Variants in SUGCT observed in about 807,000 individuals in gnomAD.
SUGCT encodes the protein succinyl-CoA:glutarate CoA-transferase.
In SUGCT, 41 loss-of-function variants were observed where a neutral mutation model predicts 55.0. The ratio of observed to expected loss-of-function variants is 0.74; its 90% CI spans 0.58 to 0.97. The LOEUF (loss-of-function observed/expected upper bound fraction) is 0.97, where lower values mean the gene tolerates loss of function less well. SUGCT is among the 50% of genes least tolerant of loss of function. The probability of loss-of-function intolerance (pLI) is 0.00; values close to 1 mark genes in which losing one functional copy is unlikely to be tolerated. For synonymous variants in SUGCT, 187 were observed against 200.4 expected (o/e 0.93, Z 0.56); for missense variants, 568 against 547.8 (o/e 1.04, Z -0.37).
intron 9 of SUGCT, among the ~76,000 whole-genome samples, chr7:40,365,752 T>G (rs961388653): frequency 1.3e-5 from 2 of 151,832 alleles, no homozygotes; most frequent in East Asian, 1.9e-4. Flanking sequence ...CACTGCTCAA[T>G]GAAATAAAAG....
intron 9 of SUGCT, among the ~76,000 whole-genome samples, chr7:40,391,835 G>A (rs977204251): frequency 7.2e-5 from 11 of 152,124 alleles, no homozygotes; most frequent in Non-Finnish European, 1.0e-4. Context: ...ACATGCACAC[G>A]TGTGTTTGTT....
chr7:40,851,735 T>C (rs532832227), intron 13 of SUGCT, among the ~76,000 whole-genome samples: 3 of 152,334 alleles, frequency 2.0e-5, no homozygotes, highest in Non-Finnish European at 4.4e-5. Context: ...TCCATAGATA[T>C]TTGTCTGTTG....
intron 6 of SUGCT, among the ~76,000 whole-genome samples, chr7:40,200,129 C>G (rs1431450084): frequency 1.3e-5 from 2 of 152,052 alleles, no homozygotes; most frequent in Non-Finnish European, 2.9e-5. Flanking sequence ...TTCAGAAATG[C>G]CCAAATAGCT....
chr7:40,868,349 T>C, the SUGCT span, among the ~76,000 whole-genome samples: 1 of 152,146 alleles, frequency 6.6e-6, no homozygotes, highest in African/African-American at 2.4e-5. Flanking sequence ...CTGGTGTGTG[T>C]TGTTCCCTTC....
At chr7:40,635,577 A>C (rs1023436086) in intron 12 of SUGCT, among the ~76,000 whole-genome samples, 4 of 152,240 alleles carry the variant, frequency 2.6e-5, no homozygotes, top group South Asian at 2.1e-4. Flanking sequence ...AAGAATCTCT[A>C]TATAAACACA....
the SUGCT span, among the ~76,000 whole-genome samples, chr7:40,892,857 G>A: frequency 6.6e-6 from 1 of 152,154 alleles, no homozygotes; most frequent in African/African-American, 2.4e-5. Flanking sequence ...ACTTTTAAAT[G>A]TAACTTGACA....
Position 40,834,895 on chromosome 7 carries a change from C to T in SUGCT, c.1154-25421C>T, listed in dbSNP as rs573587292. Among the ~76,000 whole-genome samples the T allele has an allele frequency of 5.9e-5, 9 of 152,306 alleles. No homozygotes were observed. The South Asian group carries it at 1.9e-3, about 32-fold the overall frequency. ...GATAGTATTCGGGGTCTTCTCCACC[C>T]TGCTCTTCTAGGAGGCTATGGATAT... is the stretch of plus-strand genomic sequence containing the variant. On this transcript the variant is annotated intron_variant, in intron 13 of 13. Transcript: ENST00000335693.
At chr7:40,405,351 T>G (rs953966228) in intron 9 of SUGCT, among the ~76,000 whole-genome samples, 12 of 152,142 alleles carry the variant, frequency 7.9e-5, no homozygotes, top group African/African-American at 2.9e-4. Flanking sequence ...TCCATTTGTA[T>G]AATGGGGATA....
In SUGCT at chr7:40,775,690, T is replaced by A. The variant is rs1266625916; in HGVS notation, c.1153+26193T>A. On this transcript the variant is annotated intron_variant, in intron 13 of 13. Transcript: ENST00000335693. ...AGCACAAACCCAAGATACTAAACTG[T>A]CTCTGGATTTAAGTGTAAGGTGAGT... is the stretch of plus-strand genomic sequence containing the variant. The A allele has an allele frequency of 2.6e-5, 4 of 152,304 alleles. No homozygotes were observed. The South Asian group carries it at 8.3e-4, about 32-fold the overall frequency. 9.4% of individuals were successfully genotyped at this position (152,304 alleles called of 1,614,324 possible).
At chr7:40,964,161 T>G in the SUGCT span, among the ~76,000 whole-genome samples, 50,629 of 152,124 alleles carry the variant, frequency 0.33, 9,145 homozygotes, top group Admixed American at 0.45. Flanking sequence ...TATCAATGAA[T>G]CATTCATAAA....
At chr7:40,216,382 CCTAG>C (rs1350260963) in intron 6 of SUGCT, among the ~76,000 whole-genome samples, 4 of 150,862 alleles carry the variant, frequency 2.7e-5, no homozygotes, top group South Asian at 4.2e-4. Context: ...TGCCTGTAAT[CCTAG>C]CTACTTGGGA....
chr7:40,217,648 C>G (rs1221520643), intron 6 of SUGCT: 2 of 198,404 alleles, frequency 1.0e-5, no homozygotes, highest in African/African-American at 4.8e-5. Context: ...CTCGGAATCT[C>G]TGAATGGCTG....
chr7:40,898,495 G>GGGC, the SUGCT span, among the ~76,000 whole-genome samples: 1 of 112,246 alleles, frequency 8.9e-6, no homozygotes, highest in Non-Finnish European at 2.1e-5. Flanking sequence ...GGGGGGGGGG[G>GGGC]GGTGGATCAC....
chr7:40,602,858 G>T (rs1335109160), intron 12 of SUGCT, among the ~76,000 whole-genome samples: 2 of 152,132 alleles, frequency 1.3e-5, no homozygotes, highest in Non-Finnish European at 2.9e-5. Flanking sequence ...GTAGTGGTAG[G>T]ATTTTCCAAC....
chr7:40,712,676 G>A (rs775176574), intron 12 of SUGCT, among the ~76,000 whole-genome samples: 15 of 152,294 alleles, frequency 9.8e-5, no homozygotes, highest in Middle Eastern at 3.4e-3. Context: ...AAGGGATGTC[G>A]AATCCAACAT....
the SUGCT span, among the ~76,000 whole-genome samples, chr7:40,868,991 A>C: frequency 6.6e-6 from 1 of 152,260 alleles, no homozygotes; most frequent in Non-Finnish European, 1.5e-5. Context: ...CCAATGTAAC[A>C]TTATGTAAAC....
the SUGCT span, among the ~76,000 whole-genome samples, chr7:41,003,146 ACTT>A: frequency 1.3e-5 from 2 of 152,138 alleles, no homozygotes; most frequent in African/African-American, 2.4e-5. Flanking sequence ...TCTTTTCTGT[ACTT>A]CTCCCACCAA....
At chr7:40,181,140 AT>A (rs1408781225) in intron 2 of SUGCT, 142 bp downstream of exon 2, 6 of 689,762 alleles carry the variant, frequency 8.7e-6, no homozygotes, top group Admixed American at 7.7e-5. Context: ...AATTGCTGTA[AT>A]ATCATCATTC....
intron 3 of SUGCT, among the ~76,000 whole-genome samples, chr7:40,187,199 A>G (rs1785568757): frequency 6.6e-6 from 1 of 152,060 alleles, no homozygotes; most frequent in Non-Finnish European, 1.5e-5. Context: ...AAAACCAAAC[A>G]CTGCATGTTC....
Sources: gnomAD v4.1 joint callset for allele counts (sites outside exome capture counted in the v4.1 genomes callset) on GRCh38, gnomAD v4.1.1 for gene constraint, MANE v1.5 for transcripts, NCBI Gene and HGNC (gene_info 2026-07-23, HGNC 2026-07-21) for gene names.